Variants in ZBTB8A observed in about 807,000 individuals in gnomAD.
ZBTB8A encodes zinc finger and BTB domain containing 8A.
In ZBTB8A, 19 loss-of-function variants were observed where a neutral mutation model predicts 37.8. The ratio of observed to expected loss-of-function variants is 0.50; its 90% CI spans 0.35 to 0.74. The LOEUF (loss-of-function observed/expected upper bound fraction) is 0.74. Among genes scored for constraint, ZBTB8A ranks in the 30% least tolerant of loss-of-function variants. The pLI is 0.01. For synonymous variants in ZBTB8A, 181 were observed against 185.2 expected, an observed-to-expected ratio of 0.98 and a Z score of 0.19; for missense variants, 394 against 537.8, an observed-to-expected ratio of 0.73 and a Z score of 2.65.
chr1:32,550,189 A>T (rs761208324), intron 1 of ZBTB8A, among the ~76,000 whole-genome samples: 55 of 151,688 alleles, frequency 3.6e-4, no homozygotes, highest in Non-Finnish European at 6.8e-4. Context: ...GAGACCCTTT[A>T]AAAAAAGGAT....
At chr1:32,577,313 A>G (rs1223568420) in intron 2 of ZBTB8A, among the ~76,000 whole-genome samples, 2 of 147,294 alleles carry the variant, frequency 1.4e-5, no homozygotes, top group African/African-American at 5.0e-5. Context: ...TCATGCCTCA[A>G]CCTCCTCAGT....
At chr1:32,540,369 A>T (rs1644043402) in intron 1 of ZBTB8A, among the ~76,000 whole-genome samples, 1 of 152,160 alleles carries the variant, frequency 6.6e-6, no homozygotes, top group African/African-American at 2.4e-5. Flanking sequence ...CACACACGTC[A>T]ATATCACCTC....
At chr1:32,577,417 T>C (rs1053673738) in intron 2 of ZBTB8A, among the ~76,000 whole-genome samples, 1 of 151,622 alleles carries the variant, frequency 6.6e-6, no homozygotes, top group African/African-American at 2.4e-5. Context: ...TCCAAAGTGC[T>C]GGGATTACAG....
chr1:32,589,912 C>A (rs181699628), intron 2 of ZBTB8A, among the ~76,000 whole-genome samples: 1 of 151,872 alleles, frequency 6.6e-6, no homozygotes, highest in Admixed American at 6.6e-5. Context: ...TGGTAATTAT[C>A]CACTTTATGT....
Position 32,601,954 on chromosome 1 carries a change from T to A in ZBTB8A, c.*1535T>A. The A allele has an allele frequency of 3.2e-6, 1 of 315,230 alleles. No homozygotes were observed. The allele number at this position is 315,230 out of a possible 1,614,324, so 19.5% of individuals were successfully genotyped here. A position where few individuals can be genotyped will look rare whatever the true frequency, so the allele number is the denominator to read the frequency against. The stretch of plus-strand genomic sequence containing the variant: ...AAACTATTTGAACAAATTATTCACT[T>A]AAATATGTTGAACATTTTTGCTTCT... On this transcript the variant is annotated 3_prime_UTR_variant, in exon 5 of 5. Coordinates refer to ENST00000373510, the MANE Select transcript of ZBTB8A (RefSeq NM_001040441.3).
chr1:32,575,561 A>G (rs1255503662), intron 2 of ZBTB8A, among the ~76,000 whole-genome samples: 1 of 151,728 alleles, frequency 6.6e-6, no homozygotes, highest in Non-Finnish European at 1.5e-5. Flanking sequence ...ATCCTGCCTC[A>G]GTTAAAGAAT....
At chr1:32,567,807 A>AC (rs1557707625) in intron 2 of ZBTB8A, among the ~76,000 whole-genome samples, 6 of 44,838 alleles carry the variant, frequency 1.3e-4, no homozygotes, top group Admixed American at 5.2e-4. Flanking sequence ...AAAAAAAAAA[A>AC]AAAAAAAAAA....
chr1:32,598,223 A>AT (rs762801492), intron 4 of ZBTB8A, among the ~76,000 whole-genome samples: 2,077 of 86,040 alleles, frequency 0.024, 327 homozygotes, highest in Admixed American at 0.034. Flanking sequence ...GCTTTCTTGG[A>AT]TTTTTTTTTT....
At chr1:32,569,439 G>C (rs1644308488) in intron 2 of ZBTB8A, among the ~76,000 whole-genome samples, 1 of 139,372 alleles carries the variant, frequency 7.2e-6, no homozygotes, top group South Asian at 2.2e-4. Flanking sequence ...TGTTGCCCAG[G>C]CTGGAGTGCA....
At chr1:32,558,466 C>T (rs1326498064) in intron 2 of ZBTB8A, among the ~76,000 whole-genome samples, 2 of 151,852 alleles carry the variant, frequency 1.3e-5, no homozygotes, top group African/African-American at 2.4e-5. Flanking sequence ...CACACACACA[C>T]ACACACACAA....
At chr1:32,575,610 G>A (rs528330836) in intron 2 of ZBTB8A, among the ~76,000 whole-genome samples, 18 of 151,898 alleles carry the variant, frequency 1.2e-4, no homozygotes, top group African/African-American at 4.3e-4. Context: ...ATACTTTGAG[G>A]GTCCATGGTG....
intron 1 of ZBTB8A, among the ~76,000 whole-genome samples, chr1:32,551,570 G>A (rs193142031): frequency 5.3e-4 from 80 of 152,166 alleles, no homozygotes; most frequent in Admixed American, 2.6e-3. Flanking sequence ...AAAATGAGCC[G>A]GGTGTGGTGG....
chr1:32,556,925 T>C (rs1027843038), intron 2 of ZBTB8A, among the ~76,000 whole-genome samples: 6 of 152,040 alleles, frequency 3.9e-5, no homozygotes, highest in African/African-American at 1.4e-4. Flanking sequence ...ATATATATAA[T>C]ACAAGGGAAC....
At chr1:32,542,611 T>C (rs1038204343) in intron 1 of ZBTB8A, among the ~76,000 whole-genome samples, 3 of 152,280 alleles carry the variant, frequency 2.0e-5, no homozygotes, top group South Asian at 4.1e-4. Context: ...ACAACCTTAG[T>C]TCAAGTTACA....
intron 2 of ZBTB8A, among the ~76,000 whole-genome samples, chr1:32,580,981 G>A (rs1439582569): frequency 3.4e-5 from 5 of 148,798 alleles, no homozygotes; most frequent in South Asian, 2.1e-4. Flanking sequence ...GTGTCCACAC[G>A]ACCTAATAAC....
At chr1:32,556,715 A>G (rs1446875719) in intron 2 of ZBTB8A, among the ~76,000 whole-genome samples, 1 of 152,062 alleles carries the variant, frequency 6.6e-6, no homozygotes, top group Non-Finnish European at 1.5e-5. Flanking sequence ...TGTCTGTACT[A>G]AAAATACAGA....
Position 32,566,361 on chromosome 1 carries a change from AAAAG to A in ZBTB8A, c.-2+12829_-2+12832del, listed in dbSNP as rs926613047. Among the ~76,000 whole-genome samples, 4 of 152,148 alleles carry A rather than the reference AAAAG, an allele frequency of 2.6e-5. No homozygotes were observed. In the East Asian group the frequency reaches 7.7e-4, roughly 29 times the overall value. ...AGACCCTATATCTACAATAAAAAGAAAAAGAAAGAAAAAATTAGCTGGGCATGGT... is the reference window on the plus strand; with the variant it reads ...AGACCCTATATCTACAATAAAAAGAAAAAGAAAAAATTAGCTGGGCATGGT... On this transcript the variant is annotated intron_variant, in intron 2 of 4. Coordinates refer to ENST00000373510, the MANE Select transcript of ZBTB8A (RefSeq NM_001040441.3).
intron 2 of ZBTB8A, among the ~76,000 whole-genome samples, chr1:32,561,346 G>C (rs1340680426): frequency 6.6e-6 from 1 of 152,066 alleles, no homozygotes; most frequent in Non-Finnish European, 1.5e-5. Flanking sequence ...AACGTACGTT[G>C]ATTCTTCTCC....
chr1:32,597,874 C>T (rs967058788), intron 4 of ZBTB8A, among the ~76,000 whole-genome samples: 1 of 151,834 alleles, frequency 6.6e-6, no homozygotes, highest in African/African-American at 2.4e-5. Flanking sequence ...CTTGGCCTCC[C>T]GAGTAGCTGG....
Sources: gnomAD v4.1 joint callset for allele counts (sites outside exome capture counted in the v4.1 genomes callset) on GRCh38, gnomAD v4.1.1 for gene constraint, MANE v1.5 for transcripts, NCBI Gene and HGNC (gene_info 2026-07-23, HGNC 2026-07-21) for gene names.